The following CSMD1 variants were observed in gnomAD, a reference collection of about 807,000 sequenced individuals.
The protein encoded by CSMD1 is CUB and sushi domain-containing protein 1.
A neutral mutation model predicts 417.5 loss-of-function variants in CSMD1; 213 were observed. That is an observed-to-expected ratio of 0.51 (90% CI 0.46 to 0.57). The LOEUF (loss-of-function observed/expected upper bound fraction) is 0.57. Among genes scored for constraint, CSMD1 ranks in the 20% least tolerant of loss-of-function variants. The pLI is 0.00. For missense variants in CSMD1, 6,923 were observed against 4,529.7 expected (o/e 1.53, Z -15.17); for synonymous variants, 2,862 against 1,736.8 (o/e 1.65, Z -16.11).
In CSMD1 at chr8:4,442,313, C is replaced by T. The variant is rs191525459; in HGVS notation, c.303-22248G>A. ...TTAAAAGTTAGAAAAGAAATGAACA[C>T]AAAGTATAAAGTAGAAGTTCTCCTT... On this transcript the variant is annotated intron_variant, in intron 2 of 69. Transcript: ENST00000635120. 2.8e-4 allele frequency among the ~76,000 whole-genome samples: 43 copies of T among 152,164 alleles called. No homozygotes were observed. In the East Asian group the frequency reaches 7.9e-3, roughly 28 times the overall value.
chr8:4,131,834 C>A (rs1039533606), intron 3 of CSMD1, among the ~76,000 whole-genome samples: 5 of 142,938 alleles, frequency 3.5e-5, no homozygotes, highest in African/African-American at 5.3e-5. Flanking sequence ...GCGATCCCGG[C>A]TCACTGCAAG....
At chr8:4,270,561 A>G (rs371518415) in intron 3 of CSMD1, among the ~76,000 whole-genome samples, 1 of 152,042 alleles carries the variant, frequency 6.6e-6, no homozygotes, top group Non-Finnish European at 1.5e-5. Flanking sequence ...GAACCCCATT[A>G]TGTTTGATGA....
chr8:3,231,004 C>T (rs1447676080), intron 26 of CSMD1, among the ~76,000 whole-genome samples: 2 of 152,078 alleles, frequency 1.3e-5, no homozygotes, highest in African/African-American at 4.8e-5. Context: ...AAGTGCATTG[C>T]AAACGGCGAG....
intron 1 of CSMD1, among the ~76,000 whole-genome samples, chr8:4,891,902 G>C (rs912085436): frequency 1.3e-5 from 2 of 151,926 alleles, no homozygotes; most frequent in African/African-American, 4.8e-5. Flanking sequence ...TTCTATTTTA[G>C]CAAACAAACA....
intron 5 of CSMD1, among the ~76,000 whole-genome samples, chr8:3,828,625 C>A (rs1185101951): frequency 6.6e-6 from 1 of 152,068 alleles, no homozygotes; most frequent in Admixed American, 6.6e-5. Context: ...TGTCCCAATC[C>A]CAGTCATCGT....
chr8:4,848,617 A>G lies in CSMD1; in HGVS notation c.85+145715T>C, dbSNP rs151241891. Among the ~76,000 whole-genome samples the G allele has an allele frequency of 4.6e-5, 7 of 151,178 alleles. No individual in the cohort carries two copies. The East Asian group carries it at 1.4e-3, about 30-fold the overall frequency. On this transcript the variant is annotated intron_variant, in intron 1 of 69. Transcript: ENST00000635120. ...TGCTGTGGCACCGTGTCGGCTCACTACAACCTCCGTCTTCTTGGTTCAAGC... is the reference window on the plus strand; with the variant it reads ...TGCTGTGGCACCGTGTCGGCTCACTGCAACCTCCGTCTTCTTGGTTCAAGC...
intron 3 of CSMD1, among the ~76,000 whole-genome samples, chr8:4,081,013 C>G (rs958859461): frequency 1.3e-5 from 2 of 152,168 alleles, no homozygotes; most frequent in Admixed American, 6.5e-5. Context: ...CCCTTTTCGC[C>G]TTTGCCTCCC....
intron 23 of CSMD1, among the ~76,000 whole-genome samples, chr8:3,324,214 C>CCCAA (rs138868096): frequency 0.015 from 1,664 of 110,222 alleles, 56 homozygotes; most frequent in East Asian, 0.083. Context: ...TAGACACACA[C>CCCAA]CCAACCCCAG....
intron 2 of CSMD1, among the ~76,000 whole-genome samples, chr8:4,494,967 T>C (rs545356226): frequency 2.2e-4 from 32 of 148,506 alleles, no homozygotes; most frequent in African/African-American, 3.2e-4. Flanking sequence ...AAAAAAACAG[T>C]GGAGAAAATA....
At chr8:3,827,670 G>C (rs148257317) in intron 5 of CSMD1, among the ~76,000 whole-genome samples, 58 of 152,294 alleles carry the variant, frequency 3.8e-4, no homozygotes, top group African/African-American at 1.3e-3. Flanking sequence ...TTGAAAGTCA[G>C]ATAAACCCAA....
intron 6 of CSMD1, among the ~76,000 whole-genome samples, chr8:3,729,518 C>G (rs968422991): frequency 2.0e-5 from 3 of 152,174 alleles, no homozygotes; most frequent in African/African-American, 7.2e-5. Context: ...ACTGTGGAAC[C>G]TGCCCAAGAG....
intron 1 of CSMD1, among the ~76,000 whole-genome samples, chr8:4,990,218 A>G (rs1416450611): frequency 6.6e-6 from 1 of 152,206 alleles, no homozygotes; most frequent in Non-Finnish European, 1.5e-5. Context: ...GACTAACTAC[A>G]TGAGTGCTCC....
intron 3 of CSMD1, among the ~76,000 whole-genome samples, chr8:4,220,320 G>T (rs887472499): frequency 6.6e-6 from 1 of 152,176 alleles, no homozygotes; most frequent in South Asian, 2.1e-4. Context: ...AATTTGAAGC[G>T]TGAGAAGGAG....
chr8:4,004,109 T>A (rs1043450365), intron 4 of CSMD1, among the ~76,000 whole-genome samples: 2 of 152,150 alleles, frequency 1.3e-5, no homozygotes, highest in Non-Finnish European at 2.9e-5. Context: ...TACGTTAAGC[T>A]GTATACATAT....
intron 49 of CSMD1, among the ~76,000 whole-genome samples, chr8:3,058,910 G>T (rs1483451018): frequency 6.6e-6 from 1 of 151,980 alleles, no homozygotes; most frequent in Non-Finnish European, 1.5e-5. Flanking sequence ...ATTCTGAAGG[G>T]TTTACTACCC....
intron 2 of CSMD1, among the ~76,000 whole-genome samples, chr8:4,473,398 G>A (rs1262715979): frequency 6.6e-6 from 1 of 152,172 alleles, no homozygotes; most frequent in Non-Finnish European, 1.5e-5. Context: ...CATTCTCATT[G>A]TAGGTAGTCT....
intron 5 of CSMD1, 85 bp from the exon 6 acceptor site, chr8:3,754,127 A>C: frequency 1.3e-6 from 1 of 778,126 alleles, no homozygotes; most frequent in South Asian, 1.6e-5. Flanking sequence ...AAATCCGATT[A>C]CTTAAATCCT....
At chr8:3,367,621 G>C (rs1192230362) in intron 19 of CSMD1, among the ~76,000 whole-genome samples, 4 of 152,072 alleles carry the variant, frequency 2.6e-5, no homozygotes, top group South Asian at 4.1e-4. Flanking sequence ...AAAGAGGACG[G>C]CTTTAGAAAT....
chr8:4,526,061 A>C (rs1434110319), intron 2 of CSMD1, among the ~76,000 whole-genome samples: 2 of 152,202 alleles, frequency 1.3e-5, no homozygotes, highest in African/African-American at 4.8e-5. Context: ...ACTCTAGGCT[A>C]TTCATTTTCC....
Sources: gnomAD v4.1 joint callset for allele counts (sites outside exome capture counted in the v4.1 genomes callset) on GRCh38, gnomAD v4.1.1 for gene constraint, MANE v1.5 for transcripts, NCBI Gene and HGNC (gene_info 2026-07-23, HGNC 2026-07-21) for gene names.